Variants in SLC24A3 observed in about 807,000 individuals in gnomAD.
The protein encoded by SLC24A3 is solute carrier family 24 member 3.
A neutral mutation model predicts 75.8 loss-of-function variants in SLC24A3; 28 were observed. That is an observed-to-expected ratio of 0.37 (90% confidence interval 0.27 to 0.51). SLC24A3 has a LOEUF of 0.51. Among genes scored for constraint, SLC24A3 ranks in the 20% least tolerant of loss-of-function variants. The probability of loss-of-function intolerance (pLI) is 0.94; values close to 1 mark genes in which losing one functional copy is unlikely to be tolerated. For synonymous variants in SLC24A3, 372 were observed against 334.1 expected (o/e 1.11, Z -1.24); for missense variants, 663 against 847.8 (o/e 0.78, Z 2.71).
At chr20:19,578,956 G>T (rs537882310) in intron 3 of SLC24A3, among the ~76,000 whole-genome samples, 33 of 152,192 alleles carry the variant, frequency 2.2e-4, no homozygotes, top group African/African-American at 7.7e-4. Flanking sequence ...CCAGCTTCCT[G>T]GTCCACAGCA....
chr20:19,236,919 C>T (rs1568564940), intron 1 of SLC24A3, among the ~76,000 whole-genome samples: 3 of 152,098 alleles, frequency 2.0e-5, no homozygotes. Context: ...TGTTTATAAA[C>T]CTCACTCTAT....
intron 2 of SLC24A3, among the ~76,000 whole-genome samples, chr20:19,343,941 C>T (rs964226989): frequency 6.6e-6 from 1 of 152,100 alleles, no homozygotes. Context: ...CTAAAGCCAT[C>T]GGGTGATATT....
chr20:19,667,605 T>C (rs1201945622), intron 8 of SLC24A3, among the ~76,000 whole-genome samples: 1 of 152,214 alleles, frequency 6.6e-6, no homozygotes, highest in Admixed American at 6.5e-5. Context: ...GCAGCTGTTG[T>C]GCAGAAACAT....
At chr20:19,505,913 C>T (rs536517377) in intron 2 of SLC24A3, among the ~76,000 whole-genome samples, 1 of 152,164 alleles carries the variant, frequency 6.6e-6, no homozygotes, top group Non-Finnish European at 1.5e-5. Flanking sequence ...TGGGAAACTC[C>T]CCTATCCATA....
At chr20:19,606,999 T>C (rs1271161419) in intron 6 of SLC24A3, among the ~76,000 whole-genome samples, 1 of 152,182 alleles carries the variant, frequency 6.6e-6, no homozygotes, top group Non-Finnish European at 1.5e-5. Context: ...AGGAAGAGAA[T>C]GTAGGCATAG....
chr20:19,444,432 A>G (rs1987347494), intron 2 of SLC24A3, among the ~76,000 whole-genome samples: 1 of 152,208 alleles, frequency 6.6e-6, no homozygotes, highest in South Asian at 2.1e-4. Context: ...GGCTTGGTAT[A>G]ATTTACTAGT....
intron 1 of SLC24A3, among the ~76,000 whole-genome samples, chr20:19,252,798 T>C (rs1982703641): frequency 6.6e-6 from 1 of 152,186 alleles, no homozygotes; most frequent in Admixed American, 6.5e-5. Flanking sequence ...ATAAACTTCT[T>C]GGGATCCTCC....
intron 2 of SLC24A3, among the ~76,000 whole-genome samples, chr20:19,292,180 G>T (rs907374567): frequency 6.6e-6 from 1 of 152,180 alleles, no homozygotes; most frequent in African/African-American, 2.4e-5. Flanking sequence ...GTGGAACAAA[G>T]CGTGTCAAGT....
chr20:19,719,402 G>C (rs2033077875), intron 16 of SLC24A3, among the ~76,000 whole-genome samples: 1 of 152,172 alleles, frequency 6.6e-6, no homozygotes, highest in Non-Finnish European at 1.5e-5. Flanking sequence ...TGCTAGAGGA[G>C]AGGGAGTTGC....
chr20:19,693,117 A>C (rs1282621796), intron 12 of SLC24A3, 142 bp from the exon 13 acceptor site: 1 of 901,996 alleles, frequency 1.1e-6, no homozygotes, highest in Non-Finnish European at 1.6e-6. Context: ...AAGTCATTTG[A>C]ATGTTTTAGA....
intron 2 of SLC24A3, among the ~76,000 whole-genome samples, chr20:19,281,886 G>T (rs1237773774): frequency 6.6e-6 from 1 of 152,118 alleles, no homozygotes; most frequent in African/African-American, 2.4e-5. Flanking sequence ...TATCTCACAG[G>T]TTGTACCAAA....
intron 6 of SLC24A3, among the ~76,000 whole-genome samples, chr20:19,638,145 C>A (rs2032024202): frequency 6.6e-6 from 1 of 151,860 alleles, no homozygotes; most frequent in Admixed American, 6.6e-5. Flanking sequence ...CTGTTCAACT[C>A]CCACTTAGGA....
chr20:19,477,812 C>G (rs1987986233), intron 2 of SLC24A3, among the ~76,000 whole-genome samples: 1 of 152,216 alleles, frequency 6.6e-6, no homozygotes, highest in South Asian at 2.1e-4. Context: ...TACCTACTGA[C>G]TCTACCCTGT....
intron 6 of SLC24A3, among the ~76,000 whole-genome samples, chr20:19,619,912 A>T (rs1394948908): frequency 1.3e-5 from 2 of 152,152 alleles, no homozygotes; most frequent in Non-Finnish European, 2.9e-5. Flanking sequence ...CTGAGGGGAA[A>T]GTTTATCAAG....
At chr20:19,272,316 T>C (rs776518580) in intron 1 of SLC24A3, among the ~76,000 whole-genome samples, 9 of 152,372 alleles carry the variant, frequency 5.9e-5, no homozygotes, top group Non-Finnish European at 1.2e-4. Context: ...AGACTGCATA[T>C]TGGGCTTTAG....
At chr20:19,375,165 G>A (rs7263597) in intron 2 of SLC24A3, among the ~76,000 whole-genome samples, 53,486 of 151,886 alleles carry the variant, frequency 0.35, 10,275 homozygotes, top group Middle Eastern at 0.55. Flanking sequence ...TTGCTTCTGG[G>A]AGAACCTACA....
chr20:19,300,928 G>A (rs1984180414), intron 2 of SLC24A3, among the ~76,000 whole-genome samples: 2 of 152,178 alleles, frequency 1.3e-5, no homozygotes, highest in Non-Finnish European at 2.9e-5. Context: ...CACAGTGGTG[G>A]TGGCAGCTGC....
At chr20:19,488,431 G>A (rs1988159576) in intron 2 of SLC24A3, among the ~76,000 whole-genome samples, 3 of 152,194 alleles carry the variant, frequency 2.0e-5, no homozygotes. Context: ...CCTCATGTGT[G>A]AGGTTCTGTT....
intron 6 of SLC24A3, among the ~76,000 whole-genome samples, chr20:19,648,895 C>T (rs150069447): frequency 1.3e-5 from 2 of 152,232 alleles, no homozygotes; most frequent in African/African-American, 4.8e-5. Flanking sequence ...GGGTGGGATT[C>T]CTAAAGCTAT....
Sources: allele counts gnomAD v4.1 joint callset (sites outside exome capture counted in the v4.1 genomes callset), GRCh38; gene constraint gnomAD v4.1.1; transcripts MANE v1.5; gene names NCBI Gene and HGNC (gene_info 2026-07-23, HGNC 2026-07-21).